Variants in PSMG1 observed in about 807,000 individuals in gnomAD.
PSMG1 encodes the protein Down syndrome critical region gene 2.
A neutral mutation model predicts 37.2 loss-of-function variants in PSMG1; 23 were observed. That is an observed-to-expected ratio of 0.62 (90% CI 0.44 to 0.88). PSMG1 has a LOEUF of 0.88. PSMG1 is among the 40% of genes least tolerant of loss of function. PSMG1 has a pLI of 0.00. For synonymous variants in PSMG1, 127 were observed against 128.0 expected (o/e 0.99, Z 0.05); for missense variants, 340 against 344.2 (o/e 0.99, Z 0.10).
At chr21:39,181,919 T>C (rs6517522) in intron 1 of PSMG1, 41 bp from the exon 2 acceptor site, 633,603 of 1,393,874 alleles carry the variant, frequency 0.45, 149,215 homozygotes, top group Non-Finnish European at 0.49. Context: ...AACTTCAATA[T>C]AAACAGTATC....
chr21:39,181,171 AC>A (rs1382502219), intron 2 of PSMG1, among the ~76,000 whole-genome samples: 2 of 152,030 alleles, frequency 1.3e-5, no homozygotes, highest in Non-Finnish European at 2.9e-5. Context: ...TTGCTTTGTT[AC>A]CCAAGCTGGA....
intron 1 of PSMG1, 70 bp downstream of exon 1, chr21:39,183,182 C>T: frequency 1.4e-6 from 2 of 1,439,300 alleles, no homozygotes; most frequent in Non-Finnish European, 1.8e-6. Flanking sequence ...GCCTTAGGCG[C>T]CGTCGCGGCT....
At chr21:39,182,439 C>A (rs2030874794) in intron 1 of PSMG1, among the ~76,000 whole-genome samples, 1 of 152,186 alleles carries the variant, frequency 6.6e-6, no homozygotes, top group African/African-American at 2.4e-5. Flanking sequence ...CTCATTCACG[C>A]AGACCACTGT....
Position 39,177,469 on chromosome 21 carries a change from A to C in PSMG1, c.758T>G (p.Ile253Arg). Reference protein sequence around the residue: ...DLITVEAFKPILSTRSLKGLV... With the variant: ...DLITVEAFKPRLSTRSLKGLV... ...ACCCTTCAAGCTTCTGGTAGAAAGT[A>C]TAGGCTTAAAAGCTTCCACTGTGAT... Residue 253 changes from isoleucine to arginine, a missense_variant, in exon 6 of 7, where the codon ATA becomes AGA. By Grantham distance (97) the Ile-to-Arg change is moderately conservative (BLOSUM62 -3). Transcript: ENST00000331573. The C allele has an allele frequency of 6.2e-7, 1 of 1,605,352 alleles. No individual in the cohort carries two copies. Among genetic ancestry groups the C allele is most frequent in the Non-Finnish European group, 8.5e-7 (1 of 1,176,930 alleles).
chr21:39,175,455 C>T lies in PSMG1; in HGVS notation c.*135G>A, dbSNP rs2030591062. 4 of 1,278,480 alleles carry T rather than the reference C, an allele frequency of 3.1e-6. No individual in the cohort carries two copies. The highest frequency in any genetic ancestry group is 4.1e-5 in the South Asian group (2 of 48,348). 79.2% of individuals were successfully genotyped at this position (1,278,480 alleles called of 1,614,324 possible). A position where few individuals can be genotyped will look rare whatever the true frequency, so the allele number is the denominator to read the frequency against. On this transcript the variant is annotated 3_prime_UTR_variant, in exon 7 of 7. Transcript: ENST00000331573. ...CACCATAAATAAGGAATTAAAACTA[C>T]AATTAATTTTTTACAATTTTATTCC...
In PSMG1 at chr21:39,178,496, C is replaced by G; in HGVS notation, c.608G>C (p.Cys203Ser). 2 of 1,614,068 alleles carry G rather than the reference C, an allele frequency of 1.2e-6. No individual in the cohort carries two copies. Among genetic ancestry groups the G allele is most frequent in the Non-Finnish European group, 1.7e-6 (2 of 1,180,002 alleles). ...TATATTCGGTTGTTCTAGCAATGGA[C>G]AACACGCCGAGTCTTTGAAATTCTG... The part of the protein sequence containing the change: ...KTQNFKDSAC[C>S]PLLEQPNIVH... The change falls in exon 5 of 7, where the codon TGT (cysteine) becomes TCT (serine). Residue 203 changes from cysteine (C) to serine (S), a missense_variant. Coordinates refer to ENST00000331573, the MANE Select transcript of PSMG1 (RefSeq NM_003720.4).
At chr21:39,182,883 G>C (rs2030908644) in intron 1 of PSMG1, among the ~76,000 whole-genome samples, 1 of 152,130 alleles carries the variant, frequency 6.6e-6, no homozygotes, top group Non-Finnish European at 1.5e-5. Context: ...CGGGAGCGCT[G>C]CGGCCCAAGA....
chr21:39,178,359 A>G lies in PSMG1; in HGVS notation c.655+90T>C, dbSNP rs954108940. 9 of 1,209,270 alleles carry G rather than the reference A, an allele frequency of 7.4e-6. No homozygotes were observed. In the African/African-American group the frequency reaches 1.1e-4, roughly 14 times the overall value. The allele number at this position is 1,209,270 out of a possible 1,614,324, so 74.9% of individuals were successfully genotyped here. On this transcript the variant is annotated intron_variant, in intron 5 of 6. Transcript: ENST00000331573. ...AATATATTGGTATCAATCATCATTA[A>G]TAAACTACCTCAAAAAGACCTCTAA...
intron 4 of PSMG1, among the ~76,000 whole-genome samples, chr21:39,179,318 G>A (rs1425087093): frequency 6.6e-6 from 1 of 152,152 alleles, no homozygotes; most frequent in Non-Finnish European, 1.5e-5. Context: ...ACCTACTTAA[G>A]GGGCCTGCGA....
At position 39,175,441 on chromosome 21, in the gene PSMG1, A is replaced by C; in HGVS notation, c.*149T>G. 8.3e-7 allele frequency: 1 copy of C among 1,207,116 alleles called. No homozygotes were observed. The highest frequency in any genetic ancestry group is 2.4e-5 in the South Asian group (1 of 42,524). The allele number at this position is 1,207,116 out of a possible 1,614,324, so 74.8% of individuals were successfully genotyped here. A position where few individuals can be genotyped will look rare whatever the true frequency, so the allele number is the denominator to read the frequency against. ...GTTGTGAATAATACCACCATAAATA[A>C]GGAATTAAAACTACAATTAATTTTT... On this transcript the variant is annotated 3_prime_UTR_variant, in exon 7 of 7. Coordinates refer to ENST00000331573, the MANE Select transcript of PSMG1 (RefSeq NM_003720.4).
chr21:39,181,443 G>C (rs1304966004), intron 2 of PSMG1, among the ~76,000 whole-genome samples: 2 of 151,398 alleles, frequency 1.3e-5, no homozygotes, highest in Non-Finnish European at 2.9e-5. Context: ...GCCTAAATCT[G>C]ATTTTTTCAG....
intron 2 of PSMG1, among the ~76,000 whole-genome samples, chr21:39,180,882 T>C (rs1385380473): frequency 2.0e-5 from 3 of 152,062 alleles, no homozygotes; most frequent in South Asian, 2.1e-4. Flanking sequence ...TAAAGGTCTA[T>C]GTGTGTATTT....
chr21:39,183,212 C>T (rs765959696), intron 1 of PSMG1, 40 bp downstream of exon 1: 24 of 1,528,250 alleles, frequency 1.6e-5, no homozygotes, highest in South Asian at 4.8e-5. Flanking sequence ...GCGCACCTTC[C>T]AGCTGCGGTG....
intron 2 of PSMG1, among the ~76,000 whole-genome samples, chr21:39,181,268 CAGGACTACAGG>C (rs1218261182): frequency 3.9e-5 from 6 of 151,936 alleles, no homozygotes; most frequent in Non-Finnish European, 7.4e-5. Context: ...CCTGAGTAGC[CAGGACTACAGG>C]CAAGCACCAC....
intron 5 of PSMG1, among the ~76,000 whole-genome samples, chr21:39,178,154 C>G (rs542039945): frequency 4.6e-5 from 7 of 152,112 alleles, no homozygotes; most frequent in Admixed American, 3.9e-4. Flanking sequence ...TTTGATGCAC[C>G]AATAATTTAT....
rs528472631 is a variant in PSMG1 at position 39,175,514 on chromosome 21, T to A, written c.*76A>T. ...ATTCTCAAAATATATCCCCCAAAAG[T>A]AATCTACAAAAGAGTGCAGGCTGCT... is the stretch of plus-strand genomic sequence containing the variant. On this transcript the variant is annotated 3_prime_UTR_variant, in exon 7 of 7. Coordinates refer to ENST00000331573, the MANE Select transcript of PSMG1 (RefSeq NM_003720.4). The A allele has an allele frequency of 4.1e-6, 6 of 1,446,130 alleles. No homozygotes were observed. In the South Asian group the frequency reaches 9.1e-5, roughly 22 times the overall value. 89.6% of individuals were successfully genotyped at this position (1,446,130 alleles called of 1,614,324 possible).
At chr21:39,176,027 C>A (rs900776192) in intron 6 of PSMG1, among the ~76,000 whole-genome samples, 3 of 152,180 alleles carry the variant, frequency 2.0e-5, no homozygotes, top group Non-Finnish European at 4.4e-5. Context: ...TCCCTCTGCA[C>A]ACTTCTACCC....
chr21:39,181,061 C>T (rs1432118509), intron 2 of PSMG1, among the ~76,000 whole-genome samples: 1 of 152,172 alleles, frequency 6.6e-6, no homozygotes, highest in African/African-American at 2.4e-5. Context: ...AAAACATTAA[C>T]ATAAACCCGG....
At position 39,183,446 on chromosome 21, in the gene PSMG1, C is replaced by T; in HGVS notation, c.-61G>A. 1 of 1,505,080 alleles carries T rather than the reference C, an allele frequency of 6.6e-7. No homozygotes were observed. The highest frequency in any genetic ancestry group is 8.8e-7 in the Non-Finnish European group (1 of 1,130,394). The allele number at this position is 1,505,080 out of a possible 1,614,324, so 93.2% of individuals were successfully genotyped here. ...CCGCGGGACCGCACGCCGGCTTGCG[C>T]GAGACCACGCTCCCTCACCGCGCGG... is the stretch of plus-strand genomic sequence containing the variant. On this transcript the variant is annotated 5_prime_UTR_variant, in exon 1 of 7. Coordinates refer to ENST00000331573, the MANE Select transcript of PSMG1 (RefSeq NM_003720.4).
Sources: gnomAD v4.1 joint callset for allele counts (sites outside exome capture counted in the v4.1 genomes callset) on GRCh38, gnomAD v4.1.1 for gene constraint, MANE v1.5 for transcripts, NCBI Gene and HGNC (gene_info 2026-07-23, HGNC 2026-07-21) for gene names.